The following XKR9 variants were observed in gnomAD, a reference collection of about 807,000 sequenced individuals.
XKR9 encodes XK-related protein 9.
XKR9 carries 32 observed loss-of-function variants against 32.0 expected under a neutral mutation model. That is an observed-to-expected ratio of 1.00 (90% CI 0.76 to 1.34). The LOEUF is 1.34. XKR9 is among the 40% of genes most tolerant of loss of function. XKR9 has a pLI of 0.00. For missense variants in XKR9, 546 were observed against 429.7 expected (o/e 1.27, Z -2.39); for synonymous variants, 168 against 143.4 (o/e 1.17, Z -1.22).
the XKR9 span, among the ~76,000 whole-genome samples, chr8:71,006,558 C>T: frequency 6.6e-6 from 1 of 152,156 alleles, no homozygotes; most frequent in Non-Finnish European, 1.5e-5. Context: ...AAACCTTCAA[C>T]TGCAGCACAC....
intron 4 of XKR9, 28 bp from the exon 5 acceptor site, chr8:70,733,766 CAA>C (rs764091133): frequency 6.8e-7 from 1 of 1,472,590 alleles, no homozygotes; most frequent in East Asian, 2.4e-5. Flanking sequence ...ATTCCTATAA[CAA>C]TATATTTTTT....
chr8:70,780,339 T>C (rs1161206534), intron 2 of XKR9, among the ~76,000 whole-genome samples: 1 of 152,144 alleles, frequency 6.6e-6, no homozygotes, highest in Non-Finnish European at 1.5e-5. Context: ...TTTTTGAACA[T>C]TTATTCTTTT....
At chr8:70,855,582 A>G in the XKR9 span, among the ~76,000 whole-genome samples, 4 of 152,368 alleles carry the variant, frequency 2.6e-5, no homozygotes, top group African/African-American at 9.6e-5. Context: ...AACTTCCCCA[A>G]TCTAGGAAGG....
the XKR9 span, among the ~76,000 whole-genome samples, chr8:70,879,372 G>A: frequency 6.6e-6 from 1 of 151,892 alleles, no homozygotes; most frequent in African/African-American, 2.4e-5. Context: ...TCCAGGAGCT[G>A]GTTTTTTGAA....
the XKR9 span, among the ~76,000 whole-genome samples, chr8:70,859,217 A>T: frequency 6.6e-6 from 1 of 152,196 alleles, no homozygotes; most frequent in African/African-American, 2.4e-5. Flanking sequence ...TCTCAAAAAA[A>T]GACATAAAAA....
In XKR9 at chr8:70,772,860, G is replaced by A. The variant is rs187098546; in HGVS notation, n.353-16479G>A. ...ATTTTCTAGTTAGGTGTAAAGTAAA[G>A]GGGAGTGTTTGGTATAAAAGTTTAT... On this transcript the variant is annotated intron_variant and non_coding_transcript_variant, in intron 2 of 3. Coordinates refer to the XKR9 transcript ENST00000520273. Among the ~76,000 whole-genome samples, 433 of 152,252 alleles carry A rather than the reference G, an allele frequency of 2.8e-3. 1 individual carries two copies. Among genetic ancestry groups the A allele is most frequent in the Non-Finnish European group, 4.5e-3 (308 of 68,004 alleles).
At chr8:70,717,793 G>A (rs780548285) in intron 4 of XKR9, among the ~76,000 whole-genome samples, 15 of 152,128 alleles carry the variant, frequency 9.9e-5, no homozygotes, top group Non-Finnish European at 8.8e-5. Flanking sequence ...CTCAGAAAAT[G>A]AATTTTTCTT....
chr8:70,725,017 CG>C (rs1034820914), intron 4 of XKR9, among the ~76,000 whole-genome samples: 4 of 152,054 alleles, frequency 2.6e-5, no homozygotes, highest in Admixed American at 2.6e-4. Context: ...TCATGGCAGA[CG>C]GGGAAGCAAA....
At chr8:71,039,067 G>A in the XKR9 span, among the ~76,000 whole-genome samples, 1 of 152,094 alleles carries the variant, frequency 6.6e-6, no homozygotes, top group Non-Finnish European at 1.5e-5. Context: ...GCCTCCCAAA[G>A]TGCTGGGATA....
the XKR9 span, among the ~76,000 whole-genome samples, chr8:70,893,613 C>A: frequency 6.6e-6 from 1 of 152,254 alleles, no homozygotes; most frequent in South Asian, 2.1e-4. Flanking sequence ...CAGCTGTGTT[C>A]GACATTTGCA....
chr8:70,787,092 T>C (rs764392822), intron 2 of XKR9, among the ~76,000 whole-genome samples: 1 of 152,084 alleles, frequency 6.6e-6, no homozygotes, highest in Non-Finnish European at 1.5e-5. Context: ...GCAAAGCTTG[T>C]TTAGTTAAGA....
the XKR9 span, among the ~76,000 whole-genome samples, chr8:70,960,995 C>A: frequency 4.6e-5 from 7 of 152,186 alleles, no homozygotes; most frequent in Non-Finnish European, 1.0e-4. Flanking sequence ...CATGGCGAAA[C>A]CCTGTCTCTA....
At chr8:70,901,073 G>A in the XKR9 span, among the ~76,000 whole-genome samples, 4 of 152,252 alleles carry the variant, frequency 2.6e-5, no homozygotes, top group South Asian at 2.1e-4. Flanking sequence ...GGACCTTTGC[G>A]TTGGTTCCAA....
chr8:70,681,770 A>G (rs1819092021), intron 3 of XKR9, among the ~76,000 whole-genome samples: 1 of 152,098 alleles, frequency 6.6e-6, no homozygotes, highest in African/African-American at 2.4e-5. Context: ...GTACAGAGTC[A>G]TAGAACTAAA....
At chr8:70,789,221 T>A (rs571478441) in intron 2 of XKR9, 1 of 151,950 alleles carries the variant, frequency 6.6e-6, no homozygotes, top group African/African-American at 2.4e-5. Flanking sequence ...AAAGAAAAAA[T>A]TAAGTGTAAT....
intron 4 of XKR9, among the ~76,000 whole-genome samples, chr8:70,730,413 G>T (rs1420703066): frequency 1.3e-5 from 2 of 151,892 alleles, no homozygotes; most frequent in African/African-American, 4.8e-5. Flanking sequence ...TTTTTCTAAA[G>T]AAAAATTCTT....
the XKR9 span, among the ~76,000 whole-genome samples, chr8:70,891,216 G>A: frequency 6.6e-6 from 1 of 151,052 alleles, no homozygotes; most frequent in Non-Finnish European, 1.5e-5. Context: ...AAGGTTTCAT[G>A]CTTTTGTTTA....
At chr8:71,000,832 C>T in the XKR9 span, among the ~76,000 whole-genome samples, 1 of 152,204 alleles carries the variant, frequency 6.6e-6, no homozygotes, top group Non-Finnish European at 1.5e-5. Flanking sequence ...GGAGGCAGTG[C>T]CATTGGTCCA....
Position 70,776,947 on chromosome 8 carries a change from C to CTCTCTATATATA in XKR9, n.353-12391_353-12390insCTCTATATATAT. Among the ~76,000 whole-genome samples, 122 of 54,204 alleles carry CTCTCTATATATA rather than the reference C, an allele frequency of 2.3e-3. 2 individuals are homozygous for CTCTCTATATATA. Among genetic ancestry groups the CTCTCTATATATA allele is most frequent in the South Asian group, 8.5e-3 (14 of 1,652 alleles). 35.6% of individuals were successfully genotyped at this position (54,204 alleles called of 152,430 possible). A position where few individuals can be genotyped will look rare whatever the true frequency, so the allele number is the denominator to read the frequency against. On this transcript the variant is annotated intron_variant and non_coding_transcript_variant, in intron 2 of 3. Coordinates refer to the XKR9 transcript ENST00000520273. ...TTTCTCTCTCTCTCTCTCTCTCTCT[C>CTCTCTATATATA]TATATATATATATATATGTATGTAT...
Sources: gnomAD v4.1 joint callset for allele counts (sites outside exome capture counted in the v4.1 genomes callset) on GRCh38, gnomAD v4.1.1 for gene constraint, MANE v1.5 for transcripts, NCBI Gene and HGNC (gene_info 2026-07-23, HGNC 2026-07-21) for gene names.